NDFIP2: variants seen among roughly 807,000 people sequenced by gnomAD.
NDFIP2 encodes NEDD4 family-interacting protein 2.
Under a neutral mutation model 36.0 loss-of-function variants are expected in NDFIP2, and 19 were observed. The ratio of observed to expected loss-of-function variants is 0.53; its 90% CI spans 0.37 to 0.77. NDFIP2 has a LOEUF of 0.77. Among genes scored for constraint, NDFIP2 ranks in the 30% least tolerant of loss-of-function variants. NDFIP2 has a pLI of 0.00. For missense variants in NDFIP2, 446 were observed against 435.8 expected (o/e 1.02, Z -0.21); for synonymous variants, 181 against 167.7 (o/e 1.08, Z -0.61).
chr13:79,483,931 G>A (rs1333633195), intron 1 of NDFIP2, among the ~76,000 whole-genome samples: 1 of 152,226 alleles, frequency 6.6e-6, no homozygotes, highest in African/African-American at 2.4e-5. Context: ...TAAATGAGCA[G>A]TGTTGCTAAC....
intron 2 of NDFIP2, among the ~76,000 whole-genome samples, chr13:79,524,015 C>T (rs1801789192): frequency 6.6e-6 from 1 of 152,110 alleles, no homozygotes; most frequent in South Asian, 2.1e-4. Flanking sequence ...GATACTGTGC[C>T]CCATTAAGGA....
At chr13:79,551,513 A>G (rs779212860) in intron 7 of NDFIP2, among the ~76,000 whole-genome samples, 1 of 151,516 alleles carries the variant, frequency 6.6e-6, no homozygotes, top group Non-Finnish European at 1.5e-5. Flanking sequence ...GTCTAAAACA[A>G]TATGAAATTC....
chr13:79,490,428 T>C (rs1566653484), intron 1 of NDFIP2, among the ~76,000 whole-genome samples: 1 of 152,224 alleles, frequency 6.6e-6, no homozygotes, highest in Non-Finnish European at 1.5e-5. Context: ...CTGAAGCCTA[T>C]GTTACTTGGG....
chr13:79,517,770 A>G (rs542836931), intron 1 of NDFIP2, among the ~76,000 whole-genome samples: 1 of 152,208 alleles, frequency 6.6e-6, no homozygotes, highest in South Asian at 2.1e-4. Flanking sequence ...TATTCCTTTC[A>G]TTTTAGTTAT....
chr13:79,499,586 C>A (rs1037175804), intron 1 of NDFIP2, among the ~76,000 whole-genome samples: 1 of 151,770 alleles, frequency 6.6e-6, no homozygotes. Context: ...TAAATGCTAG[C>A]AATGAACAAG....
At chr13:79,550,801 A>C (rs937513958) in intron 6 of NDFIP2, among the ~76,000 whole-genome samples, 1 of 151,542 alleles carries the variant, frequency 6.6e-6, no homozygotes, top group Non-Finnish European at 1.5e-5. Flanking sequence ...GATTTGCTTT[A>C]ATTTTGGTAC....
intron 1 of NDFIP2, among the ~76,000 whole-genome samples, chr13:79,488,811 T>G (rs1873116946): frequency 6.6e-6 from 1 of 152,150 alleles, no homozygotes; most frequent in African/African-American, 2.4e-5. Flanking sequence ...AGTAATAAAT[T>G]CTTTGAAGAA....
At chr13:79,552,299 A>G (rs532411056) in intron 7 of NDFIP2, among the ~76,000 whole-genome samples, 10 of 151,524 alleles carry the variant, frequency 6.6e-5, no homozygotes, top group Non-Finnish European at 1.5e-4. Context: ...ATTGTCTTCT[A>G]TGCATTTTGA....
intron 1 of NDFIP2, among the ~76,000 whole-genome samples, chr13:79,489,436 G>A (rs553579214): frequency 6.6e-6 from 1 of 152,292 alleles, no homozygotes; most frequent in African/African-American, 2.4e-5. Flanking sequence ...CTATTGGTCA[G>A]AGCAGTTGTA....
intron 1 of NDFIP2, among the ~76,000 whole-genome samples, chr13:79,510,384 T>C (rs936128190): frequency 1.3e-5 from 2 of 149,020 alleles, no homozygotes; most frequent in Non-Finnish European, 3.0e-5. Context: ...TTTTTTTTGT[T>C]TTTTTTTTTT....
chr13:79,489,778 T>G (rs1476563326), intron 1 of NDFIP2, among the ~76,000 whole-genome samples: 1 of 152,192 alleles, frequency 6.6e-6, no homozygotes, highest in Non-Finnish European at 1.5e-5. Context: ...GTTAAGGGGA[T>G]GGCCTAGAGT....
chr13:79,534,426 T>A (rs1243426779), intron 3 of NDFIP2, among the ~76,000 whole-genome samples: 2 of 140,518 alleles, frequency 1.4e-5, no homozygotes, highest in Non-Finnish European at 3.1e-5. Context: ...TCTGTCTTCC[T>A]CATCTACATG....
intron 2 of NDFIP2, among the ~76,000 whole-genome samples, chr13:79,529,481 A>G (rs1874927439): frequency 6.6e-6 from 1 of 152,146 alleles, no homozygotes; most frequent in Non-Finnish European, 1.5e-5. Flanking sequence ...AAATTTGTAA[A>G]CATTGTTTTT....
chr13:79,550,597 A>C (rs1875869405), intron 6 of NDFIP2, among the ~76,000 whole-genome samples: 1 of 151,602 alleles, frequency 6.6e-6, no homozygotes, highest in African/African-American at 2.4e-5. Flanking sequence ...TCATGTATAT[A>C]TTTCCTTTTT....
chr13:79,502,626 T>G (rs1156424216), intron 1 of NDFIP2, among the ~76,000 whole-genome samples: 1 of 152,076 alleles, frequency 6.6e-6, no homozygotes, highest in African/African-American at 2.4e-5. Context: ...CAGTTAAGTG[T>G]GTTGGATATA....
chr13:79,504,373 T>G (rs1019929649), intron 1 of NDFIP2, among the ~76,000 whole-genome samples: 2 of 152,164 alleles, frequency 1.3e-5, no homozygotes, highest in Non-Finnish European at 2.9e-5. Flanking sequence ...TCTTGAAACA[T>G]TTTAAAGTAA....
intron 5 of NDFIP2, among the ~76,000 whole-genome samples, chr13:79,544,492 G>GT (rs10714865): frequency 0.063 from 9,004 of 142,232 alleles, 525 homozygotes; most frequent in African/African-American, 0.15. Context: ...TTTCTTCCTA[G>GT]TTTTTTTTTT....
Position 79,543,541 on chromosome 13 carries a change from G to A in NDFIP2, c.716-17G>A. 6.2e-7 allele frequency: 1 copy of A among 1,613,034 alleles called. No homozygotes were observed. ...CCAAATTGTGGTTTATAAAAGAACG[G>A]TTTCTGTTGCTTTTAGTGGCATTTA... On this transcript the variant is annotated splice_polypyrimidine_tract_variant and intron_variant, in intron 4 of 7. Transcript: ENST00000218652.
chr13:79,541,663 A>G (rs1372268836), intron 4 of NDFIP2, among the ~76,000 whole-genome samples: 3 of 152,010 alleles, frequency 2.0e-5, no homozygotes, highest in Non-Finnish European at 4.4e-5. Context: ...GCAACTTGCT[A>G]TATTTTCCGT....
Sources: allele counts gnomAD v4.1 joint callset (sites outside exome capture counted in the v4.1 genomes callset), GRCh38; gene constraint gnomAD v4.1.1; transcripts MANE v1.5; gene names NCBI Gene and HGNC (gene_info 2026-07-23, HGNC 2026-07-21).